SUMF1: variants seen among roughly 807,000 people sequenced by gnomAD.
SUMF1 encodes the protein formylglycine-generating enzyme.
A neutral mutation model predicts 47.6 loss-of-function variants in SUMF1; 48 were observed. That is an observed-to-expected ratio of 1.01 (90% confidence interval 0.80 to 1.28). The LOEUF is 1.28. Ranked by LOEUF, SUMF1 falls within the 50% of genes most tolerant of loss-of-function variation. SUMF1 has a pLI of 0.00. For synonymous variants in SUMF1, 230 were observed against 192.1 expected (o/e 1.20, Z -1.63); for missense variants, 571 against 485.4 (o/e 1.18, Z -1.66).
intron 8 of SUMF1, among the ~76,000 whole-genome samples, chr3:4,072,442 C>G (rs911711294): frequency 3.9e-5 from 6 of 152,138 alleles, no homozygotes; most frequent in Non-Finnish European, 8.8e-5. Flanking sequence ...AGGGTCACAA[C>G]TCCTCACCAG....
chr3:4,375,333 T>G (rs1467853062), intron 8 of SUMF1, among the ~76,000 whole-genome samples: 1 of 152,078 alleles, frequency 6.6e-6, no homozygotes, highest in Non-Finnish European at 1.5e-5. Flanking sequence ...AGAGATTTGC[T>G]TTAGGCTAGT....
At chr3:4,036,367 CCCTTCCAGATGTTCAGGGAGAGACCA>C (rs1165511365) in intron 9 of SUMF1, among the ~76,000 whole-genome samples, 5 of 152,082 alleles carry the variant, frequency 3.3e-5, no homozygotes, top group African/African-American at 1.2e-4. Context: ...AAGAACTCTG[CCCTTCCAGATGTTCAGGGAGAGACCA>C]CCTCCCTGGA....
intron 8 of SUMF1, among the ~76,000 whole-genome samples, chr3:4,148,788 C>T (rs553096253): frequency 5.9e-5 from 9 of 152,230 alleles, no homozygotes; most frequent in African/African-American, 2.2e-4. Flanking sequence ...TTAGCAACTT[C>T]CTAAACTAGA....
intron 8 of SUMF1, chr3:4,316,561 A>G: frequency 1.9e-6 from 3 of 1,554,984 alleles, no homozygotes; most frequent in South Asian, 1.2e-5. Context: ...AAAAAGCTCG[A>G]TAAGTGGGTG....
chr3:4,045,460 A>T (rs1694988410), intron 9 of SUMF1, among the ~76,000 whole-genome samples: 1 of 151,890 alleles, frequency 6.6e-6, no homozygotes, highest in Non-Finnish European at 1.5e-5. Context: ...CTTGACTGAT[A>T]CATGAGGATA....
intron 8 of SUMF1, among the ~76,000 whole-genome samples, chr3:4,079,007 G>A (rs991303463): frequency 6.6e-6 from 1 of 152,040 alleles, no homozygotes; most frequent in South Asian, 2.1e-4. Context: ...GGAAGCTCTC[G>A]GTTTTCTCTG....
rs529376940 is a variant in SUMF1 at position 4,237,406 on chromosome 3, ATT to A, written c.1014+138922_1014+138923del. 5.9e-5 allele frequency among the ~76,000 whole-genome samples: 9 copies of A among 152,106 alleles called. No individual in the cohort carries two copies. The East Asian group carries it at 1.7e-3, about 29-fold the overall frequency. ...ATGTTGAACATATTTTCTTATGCTT[ATT>A]TGTCACTTGTATACCTTCTTTGATT... On this transcript the variant is annotated intron_variant and NMD_transcript_variant, in intron 8 of 12. Transcript: ENST00000448413.
chr3:4,187,687 G>C (rs2322589), intron 8 of SUMF1, among the ~76,000 whole-genome samples: 37,661 of 152,034 alleles, frequency 0.25, 5,474 homozygotes, highest in East Asian at 0.4. Context: ...ACTACAGGTA[G>C]TATGTTAATA....
In SUMF1 at chr3:4,313,750, T is replaced by C. The variant is rs144700571; in HGVS notation, c.1014+62580A>G. On this transcript the variant is annotated intron_variant and NMD_transcript_variant, in intron 8 of 12. Coordinates refer to the SUMF1 transcript ENST00000448413. Reference sequence around the variant, plus strand: ...TTCTGTGTTCCCCTCCTGCAAGCGATTGACCCTTGAGGTGAGTCTGTTCAG... The same window carrying C: ...TTCTGTGTTCCCCTCCTGCAAGCGACTGACCCTTGAGGTGAGTCTGTTCAG... 2,074 of 1,614,040 alleles carry C rather than the reference T, an allele frequency of 1.3e-3. 14 individuals are homozygous for C. The highest frequency in any genetic ancestry group is 8.4e-3 in the Middle Eastern group (51 of 6,058).
intron 8 of SUMF1, among the ~76,000 whole-genome samples, chr3:4,197,015 T>C (rs1469996699): frequency 1.3e-5 from 2 of 152,106 alleles, no homozygotes; most frequent in South Asian, 2.1e-4. Flanking sequence ...GAGATACACA[T>C]GGACACTCCT....
rs546323716 is a variant in SUMF1, at chr3:4,417,731, G to C, written c.725+279C>G. On this transcript the variant is annotated intron_variant, in intron 5 of 8. Transcript: ENST00000272902. ...TGCTAAAAGCAGGGCAGTCTGCCAA[G>C]AAGTTCTAAGCAGTGATATGTAACT... Among the ~76,000 whole-genome samples the C allele has an allele frequency of 3.3e-5, 5 of 152,352 alleles. No individual in the cohort carries two copies. In the South Asian group the frequency reaches 1.0e-3, roughly 32 times the overall value.
At chr3:4,396,468 G>A (rs1016332426) in intron 7 of SUMF1, among the ~76,000 whole-genome samples, 36 of 152,174 alleles carry the variant, frequency 2.4e-4, no homozygotes, top group African/African-American at 7.7e-4. Context: ...GGGACCTACC[G>A]CACAGGCCAG....
At chr3:4,221,623 T>TCAAACA (rs1407948486) in intron 8 of SUMF1, among the ~76,000 whole-genome samples, 1 of 152,102 alleles carries the variant, frequency 6.6e-6, no homozygotes. Context: ...CATTCAGTTA[T>TCAAACA]TTGATAAATG....
chr3:4,336,192 T>A (rs1699149996), intron 8 of SUMF1, among the ~76,000 whole-genome samples: 1 of 151,972 alleles, frequency 6.6e-6, no homozygotes, highest in Admixed American at 6.6e-5. Context: ...ACCTATGATT[T>A]TTCCAAGGGA....
chr3:4,424,410 G>C (rs534163019), intron 3 of SUMF1, among the ~76,000 whole-genome samples: 1 of 152,202 alleles, frequency 6.6e-6, no homozygotes, highest in Admixed American at 6.5e-5. Context: ...TCTCAATGAG[G>C]TGCACGGTAA....
chr3:4,063,544 G>T (rs1695314776), intron 9 of SUMF1, among the ~76,000 whole-genome samples: 1 of 151,984 alleles, frequency 6.6e-6, no homozygotes, highest in Non-Finnish European at 1.5e-5. Flanking sequence ...CCCCAAACCT[G>T]CTGAATATGC....
intron 6 of SUMF1, 132 bp downstream of exon 6, chr3:4,416,996 G>C (rs776218473): frequency 3.7e-6 from 3 of 813,022 alleles, no homozygotes; most frequent in Admixed American, 3.4e-5. Flanking sequence ...TATTTGCTAC[G>C]TGCAACAGTG....
At chr3:4,173,256 T>A (rs2125125682) in intron 8 of SUMF1, among the ~76,000 whole-genome samples, 1 of 152,306 alleles carries the variant, frequency 6.6e-6, no homozygotes, top group Admixed American at 6.5e-5. Context: ...CTGTTTTGAT[T>A]ACTGTAGCCT....
intron 1 of SUMF1, among the ~76,000 whole-genome samples, chr3:4,456,999 T>TATATATATACGTGTGTAC (rs2079664389): frequency 6.7e-5 from 9 of 133,808 alleles, no homozygotes; most frequent in African/African-American, 2.2e-4. Context: ...TACGTGTGTG[T>TATATATATACGTGTGTAC]ATATATATAC....
Sources: allele counts gnomAD v4.1 joint callset (sites outside exome capture counted in the v4.1 genomes callset), GRCh38; gene constraint gnomAD v4.1.1; transcripts MANE v1.5; gene names NCBI Gene and HGNC (gene_info 2026-07-23, HGNC 2026-07-21).